The following AIG1 variants were observed in gnomAD, a reference collection of about 807,000 sequenced individuals.
The protein encoded by AIG1 is androgen-induced gene 1 protein.
In AIG1, 23 loss-of-function variants were observed where a neutral mutation model predicts 31.4. The observed-to-expected ratio is 0.73, with a 90% confidence interval of 0.53 to 1.04. The LOEUF (loss-of-function observed/expected upper bound fraction) is 1.04. Ranked by LOEUF, AIG1 falls within the 50% of genes least tolerant of loss-of-function variation. AIG1 has a pLI of 0.00. For missense variants in AIG1, 274 were observed against 295.0 expected (o/e 0.93, Z 0.52); for synonymous variants, 100 against 110.5 (o/e 0.90, Z 0.60).
intron 1 of AIG1, 124 bp from the exon 2 acceptor site, chr6:143,136,711 C>T (rs1415314044): frequency 1.0e-6 from 1 of 952,906 alleles, no homozygotes; most frequent in African/African-American, 1.7e-5. Flanking sequence ...AGGAGCAGCT[C>T]TTTAAAATAT....
chr6:143,149,388 G>A (rs538209841), intron 2 of AIG1, among the ~76,000 whole-genome samples: 61 of 151,942 alleles, frequency 4.0e-4, no homozygotes, highest in African/African-American at 1.4e-3. Flanking sequence ...TTAGCCAGGC[G>A]TGGTGGCGGG....
intron 1 of AIG1, among the ~76,000 whole-genome samples, chr6:143,081,533 C>T (rs1562354497): frequency 2.6e-5 from 4 of 151,152 alleles, no homozygotes; most frequent in African/African-American, 9.8e-5. Flanking sequence ...TGGGTAATGG[C>T]CTGTTCTTTG....
chr6:143,343,364 CAA>C (rs1407821639), downstream of AIG1: 1 of 576,716 alleles, frequency 1.7e-6, no homozygotes, highest in Admixed American at 1.9e-5. Flanking sequence ...CCCCCCCAAA[CAA>C]GAGGTGGCTC....
chr6:143,276,995 C>T (rs547051020), intron 3 of AIG1, among the ~76,000 whole-genome samples: 1 of 152,282 alleles, frequency 6.6e-6, no homozygotes, highest in East Asian at 1.9e-4. Context: ...CTGCGTTTTC[C>T]TGTATTCTTC....
chr6:143,138,939 T>C (rs1784014661), intron 2 of AIG1, among the ~76,000 whole-genome samples: 1 of 151,966 alleles, frequency 6.6e-6, no homozygotes, highest in Non-Finnish European at 1.5e-5. Context: ...GTTAACATGT[T>C]TTCTCTTAGC....
chr6:143,139,344 C>T (rs1369855584), intron 2 of AIG1, among the ~76,000 whole-genome samples: 2 of 148,516 alleles, frequency 1.3e-5, no homozygotes, highest in East Asian at 4.2e-4. Context: ...ACTTTCATGG[C>T]GTGTGGGTGC....
chr6:143,168,564 A>G (rs149715222), intron 3 of AIG1, among the ~76,000 whole-genome samples: 2 of 152,114 alleles, frequency 1.3e-5, no homozygotes, highest in South Asian at 2.1e-4. Flanking sequence ...AGCTTCATCC[A>G]TATTCCTACA....
At chr6:143,082,033 A>G (rs555041241) in intron 1 of AIG1, among the ~76,000 whole-genome samples, 26 of 152,270 alleles carry the variant, frequency 1.7e-4, no homozygotes, top group Admixed American at 1.4e-3. Context: ...GCCAATAATA[A>G]TGTCCTAATG....
intron 3 of AIG1, among the ~76,000 whole-genome samples, chr6:143,206,459 C>A (rs916206310): frequency 1.3e-5 from 2 of 152,106 alleles, no homozygotes; most frequent in African/African-American, 4.8e-5. Context: ...CCACTGCCAG[C>A]CTGCTAACAG....
intron 4 of AIG1, among the ~76,000 whole-genome samples, chr6:143,307,800 C>A (rs1368284013): frequency 6.6e-6 from 1 of 152,190 alleles, no homozygotes; most frequent in Non-Finnish European, 1.5e-5. Flanking sequence ...GCCCTGCCCC[C>A]AGAGGTGGAG....
chr6:143,311,723 A>G (rs533275029), intron 4 of AIG1, among the ~76,000 whole-genome samples: 2 of 152,132 alleles, frequency 1.3e-5, no homozygotes, highest in East Asian at 3.9e-4. Context: ...TAGCTAGAGC[A>G]ATCAGACAAG....
chr6:143,341,408 C>T (rs1427369582), downstream of AIG1, among the ~76,000 whole-genome samples: 3 of 151,990 alleles, frequency 2.0e-5, no homozygotes, highest in Admixed American at 6.6e-5. Flanking sequence ...ATGTTGAACC[C>T]GTAACCCCTA....
chr6:143,196,940 C>T (rs1206980833), intron 3 of AIG1, among the ~76,000 whole-genome samples: 1 of 152,090 alleles, frequency 6.6e-6, no homozygotes, highest in African/African-American at 2.4e-5. Flanking sequence ...TGTGTAATTC[C>T]TCTTATTTCT....
intron 3 of AIG1, among the ~76,000 whole-genome samples, chr6:143,176,952 T>A (rs542851548): frequency 1.3e-5 from 2 of 152,338 alleles, no homozygotes; most frequent in East Asian, 3.9e-4. Context: ...ACACATGGCT[T>A]TGTCTGAGTG....
At chr6:143,209,170 A>G (rs1791385667) in intron 3 of AIG1, among the ~76,000 whole-genome samples, 3 of 152,234 alleles carry the variant, frequency 2.0e-5, no homozygotes, top group African/African-American at 4.8e-5. Context: ...TCCTTTAACA[A>G]GAAGCAAATG....
intron 1 of AIG1, among the ~76,000 whole-genome samples, chr6:143,080,302 G>A (rs1210645023): frequency 2.0e-5 from 3 of 152,124 alleles, no homozygotes; most frequent in Non-Finnish European, 4.4e-5. Context: ...CCAGTCCAGG[G>A]GTCCGCGGTA....
chr6:143,280,581 T>G lies in AIG1; in HGVS notation c.400-3529T>G, dbSNP rs959828044. On this transcript the variant is annotated intron_variant, in intron 3 of 5. Coordinates refer to ENST00000357847, the MANE Select transcript of AIG1 (RefSeq NM_016108.4). The surrounding 1 kb of genome is among the most constrained non-coding windows in gnomAD (Gnocchi z 4.1). ...ATCACGTCTTTTGCAGGAGCATGGATGGAGATGGAGGCTGTAATCCTTAGC... is the reference window on the plus strand; with the variant it reads ...ATCACGTCTTTTGCAGGAGCATGGAGGGAGATGGAGGCTGTAATCCTTAGC... 6.6e-6 allele frequency among the ~76,000 whole-genome samples: 1 copy of G among 152,174 alleles called. No homozygotes were observed. Among genetic ancestry groups the G allele is most frequent in the African/African-American group, 2.4e-5 (1 of 41,428 alleles).
intron 1 of AIG1, among the ~76,000 whole-genome samples, chr6:143,119,585 G>T (rs1209032497): frequency 6.6e-6 from 1 of 152,228 alleles, no homozygotes; most frequent in Admixed American, 6.5e-5. Flanking sequence ...CTAAGACAAA[G>T]ATAACACTTT....
intron 1 of AIG1, among the ~76,000 whole-genome samples, chr6:143,135,559 C>T (rs900059951): frequency 4.6e-5 from 7 of 152,056 alleles, no homozygotes; most frequent in Non-Finnish European, 1.0e-4. Flanking sequence ...CCTTAAGTCA[C>T]TGAAGCTAAA....
Sources: allele counts gnomAD v4.1 joint callset (sites outside exome capture counted in the v4.1 genomes callset), GRCh38; gene constraint gnomAD v4.1.1; non-coding constraint Gnocchi (gnomAD v3.1); transcripts MANE v1.5; gene names NCBI Gene and HGNC (gene_info 2026-07-23, HGNC 2026-07-21).